Variants in MACROD2 observed in about 807,000 individuals in gnomAD.
The protein encoded by MACROD2 is ADP-ribose glycohydrolase MACROD2.
In MACROD2, 36 loss-of-function variants were observed where a neutral mutation model predicts 70.4. That is an observed-to-expected ratio of 0.51 (90% CI 0.39 to 0.68). The LOEUF is 0.68. MACROD2 is among the 30% of genes least tolerant of loss of function. MACROD2 has a pLI of 0.00. For missense variants in MACROD2, 496 were observed against 538.4 expected (o/e 0.92, Z 0.78); for synonymous variants, 172 against 178.8 (o/e 0.96, Z 0.30).
chr20:14,919,748 A>G (rs758759078), intron 5 of MACROD2, among the ~76,000 whole-genome samples: 3 of 152,206 alleles, frequency 2.0e-5, no homozygotes, highest in Non-Finnish European at 4.4e-5. Flanking sequence ...ACAAAAACAA[A>G]CAAACACCGG....
At chr20:15,179,053 T>C (rs2076482125) in intron 5 of MACROD2, among the ~76,000 whole-genome samples, 1 of 152,190 alleles carries the variant, frequency 6.6e-6, no homozygotes, top group Admixed American at 6.5e-5. Flanking sequence ...TGAGGTTACT[T>C]TAGGCTCCTA....
At chr20:15,986,530 C>G (rs2066485762) in intron 13 of MACROD2, among the ~76,000 whole-genome samples, 197 bp from the exon 14 acceptor site, 1 of 151,930 alleles carries the variant, frequency 6.6e-6, no homozygotes, top group South Asian at 2.1e-4. Context: ...AGATTTTTTT[C>G]CTAAATTATC....
At chr20:15,488,444 G>A (rs576665548) in intron 7 of MACROD2, among the ~76,000 whole-genome samples, 1 of 152,334 alleles carries the variant, frequency 6.6e-6, no homozygotes, top group Admixed American at 6.5e-5. Flanking sequence ...GTCTCATGGA[G>A]CTTAAATTCC....
rs551901816 is a variant in MACROD2 at position 15,791,445 on chromosome 20, TA to T, written c.646-71290del. 7.8e-3 allele frequency among the ~76,000 whole-genome samples: 1,166 copies of T among 149,256 alleles called. 6 individuals carry two copies. The highest frequency in any genetic ancestry group is 0.016 in the East Asian group (81 of 5,136). On this transcript the variant is annotated intron_variant, in intron 8 of 17. Coordinates refer to ENST00000684519, the MANE Select transcript of MACROD2 (RefSeq NM_001351661.2). Reference sequence around the variant, plus strand: ...AGACATTGTCTCTTGTGGGCAATTTTAAAAAAAAAAGGATGTTCAAAATATG... The same window carrying T: ...AGACATTGTCTCTTGTGGGCAATTTTAAAAAAAAAGGATGTTCAAAATATG...
chr20:14,313,602 C>T (rs1174165257), intron 3 of MACROD2, among the ~76,000 whole-genome samples: 1 of 152,096 alleles, frequency 6.6e-6, no homozygotes, highest in Non-Finnish European at 1.5e-5. Flanking sequence ...TGAATTAGTG[C>T]ACTTCTTCTA....
chr20:14,326,253 G>A lies in MACROD2; in HGVS notation c.272-167226G>A. ...AAGAGATATGAATGGTATCAGAGGT[G>A]ACAGACTTCACAGTAATTGTAATTG... On this transcript the variant is annotated intron_variant, in intron 3 of 17. Coordinates refer to ENST00000684519, the MANE Select transcript of MACROD2 (RefSeq NM_001351661.2). This position sits in a 1 kb window ranked among gnomAD's most constrained non-coding sequence, Gnocchi z 5.5. 2 of 1,613,942 alleles carry A rather than the reference G, an allele frequency of 1.2e-6. No homozygotes were observed. The highest frequency in any genetic ancestry group is 1.7e-6 in the Non-Finnish European group (2 of 1,179,864).
chr20:15,622,037 A>T (rs12624807), intron 8 of MACROD2, among the ~76,000 whole-genome samples: 1 of 152,124 alleles, frequency 6.6e-6, no homozygotes, highest in Admixed American at 6.5e-5. Flanking sequence ...GGGGCTGCTA[A>T]TGGTGGCTCA....
At chr20:14,650,872 A>T (rs1481784292) in intron 4 of MACROD2, among the ~76,000 whole-genome samples, 1 of 152,230 alleles carries the variant, frequency 6.6e-6, no homozygotes, top group Non-Finnish European at 1.5e-5. Flanking sequence ...TTGGTCTATG[A>T]TAAGCATTCA....
At chr20:14,558,319 T>G (rs941101816) in intron 4 of MACROD2, among the ~76,000 whole-genome samples, 1 of 151,722 alleles carries the variant, frequency 6.6e-6, no homozygotes, top group South Asian at 2.1e-4. Context: ...TTTAATCGTG[T>G]ATTTTTAAAG....
chr20:14,822,313 A>T (rs1262248792), intron 5 of MACROD2, among the ~76,000 whole-genome samples: 1 of 152,128 alleles, frequency 6.6e-6, no homozygotes, highest in African/African-American at 2.4e-5. Flanking sequence ...TAAGATGGAT[A>T]ACTTTCCACT....
chr20:15,030,918 G>A (rs1030217486), intron 5 of MACROD2, among the ~76,000 whole-genome samples: 1 of 152,244 alleles, frequency 6.6e-6, no homozygotes, highest in South Asian at 2.1e-4. Flanking sequence ...GCCTTTGCCC[G>A]AATTTTGCTT....
chr20:14,317,829 T>G (rs1247548394), intron 3 of MACROD2, among the ~76,000 whole-genome samples: 1 of 152,134 alleles, frequency 6.6e-6, no homozygotes, highest in African/African-American at 2.4e-5. Flanking sequence ...TTCCTATCTC[T>G]AAAGTTATTG....
At chr20:14,110,639 A>G (rs992561225) in intron 3 of MACROD2, among the ~76,000 whole-genome samples, 2 of 151,914 alleles carry the variant, frequency 1.3e-5, no homozygotes, top group Non-Finnish European at 2.9e-5. Context: ...AATAGCTACA[A>G]ATAAAATTAA....
rs190036881 is a variant in MACROD2, at chr20:15,568,783, A to G, written c.645+68936A>G. 9.8e-5 allele frequency among the ~76,000 whole-genome samples: 15 copies of G among 152,324 alleles called. No homozygotes were observed. The East Asian group carries it at 1.9e-3, about 20-fold the overall frequency. On this transcript the variant is annotated intron_variant, in intron 8 of 17. Coordinates refer to ENST00000684519, the MANE Select transcript of MACROD2 (RefSeq NM_001351661.2). Reference sequence around the variant, plus strand: ...TTGGGGCTCCTGTTAATAAGCAACTATAGATGGTTTTAGCCCCAGTCTTTC... The same window carrying G: ...TTGGGGCTCCTGTTAATAAGCAACTGTAGATGGTTTTAGCCCCAGTCTTTC...
intron 5 of MACROD2, among the ~76,000 whole-genome samples, chr20:15,030,501 A>G (rs2075266300): frequency 6.6e-6 from 1 of 152,210 alleles, no homozygotes; most frequent in South Asian, 2.1e-4. Context: ...GCACAGCAGC[A>G]TTGAGCTCTA....
rs564748035 is a variant in MACROD2 at position 15,318,712 on chromosome 20, GA to G, written c.540+88657del. ...AATACACCATATTAATAGAACAAAGGAAAAAATAATTATCTTAACCAGTGCA... is the reference window on the plus strand; with the variant it reads ...AATACACCATATTAATAGAACAAAGGAAAAATAATTATCTTAACCAGTGCA... On this transcript the variant is annotated intron_variant, in intron 6 of 17. Transcript: ENST00000684519. Among the ~76,000 whole-genome samples, 677 of 151,900 alleles carry G rather than the reference GA, an allele frequency of 4.5e-3. 8 individuals are homozygous for G. Among genetic ancestry groups the G allele is most frequent in the African/African-American group, 0.016 (653 of 41,458 alleles).
At chr20:15,627,340 C>A (rs960852342) in intron 8 of MACROD2, among the ~76,000 whole-genome samples, 1 of 151,996 alleles carries the variant, frequency 6.6e-6, no homozygotes, top group Non-Finnish European at 1.5e-5. Context: ...TGTGACCACC[C>A]AACAAGTTCT....
intron 4 of MACROD2, among the ~76,000 whole-genome samples, 190 bp from the exon 5 acceptor site, chr20:14,684,653 C>T (rs1306204988): frequency 6.7e-6 from 1 of 148,220 alleles, no homozygotes; most frequent in Non-Finnish European, 1.5e-5. Context: ...ACCTCACCCC[C>T]CCCCCCCGGC....
chr20:14,132,238 G>A (rs1011487065), intron 3 of MACROD2, among the ~76,000 whole-genome samples: 1 of 151,732 alleles, frequency 6.6e-6, no homozygotes, highest in Non-Finnish European at 1.5e-5. Context: ...TGTTGAGACA[G>A]GGTCTTGCTA....
Sources: allele counts gnomAD v4.1 joint callset (sites outside exome capture counted in the v4.1 genomes callset), GRCh38; gene constraint gnomAD v4.1.1; non-coding constraint Gnocchi (gnomAD v3.1); transcripts MANE v1.5; gene names NCBI Gene and HGNC (gene_info 2026-07-23, HGNC 2026-07-21).